DYNC1I1: variants seen among roughly 807,000 people sequenced by gnomAD.
The protein encoded by DYNC1I1 is dynein cytoplasmic 1 intermediate chain 1.
A neutral mutation model predicts 86.6 loss-of-function variants in DYNC1I1; 43 were observed. That is an observed-to-expected ratio of 0.50 (90% CI 0.39 to 0.64). The LOEUF is 0.64. Ranked by LOEUF, DYNC1I1 falls within the 30% of genes least tolerant of loss-of-function variation. The pLI is 0.00. For synonymous variants in DYNC1I1, 262 were observed against 283.7 expected (o/e 0.92, Z 0.77); for missense variants, 604 against 788.8 (o/e 0.77, Z 2.81).
intron 6 of DYNC1I1, among the ~76,000 whole-genome samples, chr7:95,922,450 C>A (rs1223388155): frequency 6.6e-6 from 1 of 151,992 alleles, no homozygotes; most frequent in Non-Finnish European, 1.5e-5. Flanking sequence ...CTCGGTTTGC[C>A]TTTCTTTCTG....
intron 1 of DYNC1I1, among the ~76,000 whole-genome samples, chr7:95,792,053 T>C (rs1201195608): frequency 6.6e-6 from 1 of 152,208 alleles, no homozygotes. Flanking sequence ...ATGTCTCCAA[T>C]AGTTGTTTAG....
At chr7:95,785,866 A>T (rs1253080324) in intron 1 of DYNC1I1, among the ~76,000 whole-genome samples, 2 of 147,268 alleles carry the variant, frequency 1.4e-5, no homozygotes, top group African/African-American at 2.5e-5. Context: ...TACTAGGGGT[A>T]TGGAGTTCTC....
chr7:95,785,811 A>G (rs1016413931), intron 1 of DYNC1I1, among the ~76,000 whole-genome samples: 4 of 126,138 alleles, frequency 3.2e-5, no homozygotes, highest in Middle Eastern at 8.2e-3. Flanking sequence ...ATATATATAT[A>G]TATATATTAT....
chr7:95,877,162 C>A (rs6965352), intron 6 of DYNC1I1, among the ~76,000 whole-genome samples: 2 of 151,974 alleles, frequency 1.3e-5, no homozygotes, highest in Non-Finnish European at 2.9e-5. Flanking sequence ...AGAGGCAAGA[C>A]ATTAGCATTT....
chr7:96,100,176 A>G (rs532332310), downstream of DYNC1I1, among the ~76,000 whole-genome samples: 10 of 152,308 alleles, frequency 6.6e-5, no homozygotes, highest in African/African-American at 2.4e-4. Context: ...TAAGTATGGC[A>G]AAGATCCTAA....
chr7:95,858,031 A>C (rs73710514), intron 5 of DYNC1I1, among the ~76,000 whole-genome samples: 1 of 152,170 alleles, frequency 6.6e-6, no homozygotes, highest in Non-Finnish European at 1.5e-5. Flanking sequence ...AGATTTTTTC[A>C]TATCTGATAT....
intron 5 of DYNC1I1, among the ~76,000 whole-genome samples, chr7:95,829,206 T>TA: frequency 6.6e-6 from 1 of 152,268 alleles, no homozygotes; most frequent in East Asian, 1.9e-4. Flanking sequence ...CAATGCCTAC[T>TA]GTAGGTATAA....
intron 4 of DYNC1I1, among the ~76,000 whole-genome samples, chr7:95,820,089 A>G (rs1329823463): frequency 1.3e-5 from 2 of 152,208 alleles, no homozygotes; most frequent in Non-Finnish European, 2.9e-5. Context: ...GGAGCTCCAT[A>G]TTAGGGCTCA....
chr7:95,942,915 C>T (rs954716608), intron 6 of DYNC1I1, among the ~76,000 whole-genome samples: 10 of 146,230 alleles, frequency 6.8e-5, no homozygotes, highest in African/African-American at 2.5e-4. Context: ...CAGCCAATAT[C>T]ATACTGAATG....
At chr7:95,842,969 G>A (rs1405565262) in intron 5 of DYNC1I1, among the ~76,000 whole-genome samples, 1 of 151,820 alleles carries the variant, frequency 6.6e-6, no homozygotes, top group Non-Finnish European at 1.5e-5. Context: ...AATTAACTTT[G>A]ACCAAGTTTT....
chr7:95,997,268 T>C (rs1793889737), intron 10 of DYNC1I1, among the ~76,000 whole-genome samples: 1 of 152,066 alleles, frequency 6.6e-6, no homozygotes, highest in Non-Finnish European at 1.5e-5. Context: ...TCTGTAAACA[T>C]AGAAGCACAA....
At chr7:96,068,868 T>C (rs1790075088) in intron 14 of DYNC1I1, among the ~76,000 whole-genome samples, 1 of 152,236 alleles carries the variant, frequency 6.6e-6, no homozygotes, top group Non-Finnish European at 1.5e-5. Flanking sequence ...AGTAAAAGGT[T>C]GGCAGTTTAA....
At chr7:95,780,360 A>G (rs1170534677) in intron 1 of DYNC1I1, among the ~76,000 whole-genome samples, 1 of 151,018 alleles carries the variant, frequency 6.6e-6, no homozygotes, top group Admixed American at 6.6e-5. Flanking sequence ...CTCTGCCTCC[A>G]GGGTTCATGC....
chr7:95,905,700 G>A (rs1269261044), intron 6 of DYNC1I1, among the ~76,000 whole-genome samples: 3 of 150,384 alleles, frequency 2.0e-5, no homozygotes, highest in Admixed American at 2.0e-4. Context: ...TTGTGTCTGG[G>A]CTTTTTTTTT....
At chr7:96,062,387 T>C (rs990556464) in intron 14 of DYNC1I1, among the ~76,000 whole-genome samples, 5 of 152,138 alleles carry the variant, frequency 3.3e-5, no homozygotes, top group South Asian at 2.1e-4. Context: ...TGTTAACAAA[T>C]GGAAATTTAG....
At chr7:96,094,420 T>C (rs1331945417) in intron 16 of DYNC1I1, among the ~76,000 whole-genome samples, 1 of 152,160 alleles carries the variant, frequency 6.6e-6, no homozygotes, top group Non-Finnish European at 1.5e-5. Context: ...CCATTTCTAA[T>C]CAGAGACTAC....
chr7:95,834,895 T>C (rs1167397657), intron 5 of DYNC1I1, among the ~76,000 whole-genome samples: 1 of 151,950 alleles, frequency 6.6e-6, no homozygotes. Context: ...GCAGTCTATG[T>C]ATTTTGTTGA....
chr7:95,960,805 G>C (rs1562956698), intron 6 of DYNC1I1, among the ~76,000 whole-genome samples: 2 of 152,242 alleles, frequency 1.3e-5, no homozygotes, highest in Non-Finnish European at 2.9e-5. Context: ...TGTGGGACCA[G>C]AGCAGGCACC....
chr7:96,043,922 C>T (rs1584273682), intron 14 of DYNC1I1, among the ~76,000 whole-genome samples: 2 of 152,064 alleles, frequency 1.3e-5, no homozygotes, highest in African/African-American at 4.8e-5. Flanking sequence ...GTTGGCCAGG[C>T]TGGTCTCGAA....
Sources: gnomAD v4.1 joint callset for allele counts (sites outside exome capture counted in the v4.1 genomes callset) on GRCh38, gnomAD v4.1.1 for gene constraint, MANE v1.5 for transcripts, NCBI Gene and HGNC (gene_info 2026-07-23, HGNC 2026-07-21) for gene names.